NLRP10: variants seen among roughly 807,000 people sequenced by gnomAD.
The protein encoded by NLRP10 is NLR family pyrin domain containing 10, also known as NACHT, LRR and PYD domains-containing protein 10.
Under a neutral mutation model 8.2 loss-of-function variants are expected in NLRP10, and 7 were observed. The ratio of observed to expected loss-of-function variants is 0.85; its 90% CI spans 0.48 to 1.60. NLRP10 has a LOEUF of 1.60. Among genes scored for constraint, NLRP10 ranks in the 40% most tolerant of loss-of-function variants. The pLI is 0.00. For synonymous variants in NLRP10, 338 were observed against 314.0 expected (o/e 1.08, Z -0.81); for missense variants, 814 against 776.3 (o/e 1.05, Z -0.58).
rs35742920 is a variant in NLRP10, at chr11:7,962,387, C to T, written c.289+820G>A. ...TGTAGCTGGGACCACAGGCGCACGC[C>T]ACCATGCCCGGCTAATTTTTTTGTA... On this transcript the variant is annotated intron_variant, in intron 2 of 2. Transcript: ENST00000691676. Among the ~76,000 whole-genome samples the T allele has an allele frequency of 9.5e-3, 1,445 of 152,008 alleles. 12 individuals carry two copies. The highest frequency in any genetic ancestry group is 0.013 in the Non-Finnish European group (872 of 67,952).
chr11:7,957,557 T>C lies in NLRP10; in HGVS notation c.*2087A>G, dbSNP rs1589890508. Among the ~76,000 whole-genome samples, 2 of 152,198 alleles carry C rather than the reference T, an allele frequency of 1.3e-5. No individual in the cohort carries two copies. The highest frequency in any genetic ancestry group is 3.8e-4 in the East Asian group (2 of 5,200). ...TTTTATATATTAAATATGCACAGTT[T>C]ATTGTATTAAACTAATTATACTTCA... On this transcript the variant is annotated 3_prime_UTR_variant, in exon 3 of 3. Coordinates refer to ENST00000691676, the MANE Select transcript of NLRP10 (RefSeq NM_001391958.1).
chr11:7,960,038 C>G lies in NLRP10; in HGVS notation c.1574G>C (p.Ser525Thr), dbSNP rs1008513939. 1.4e-5 allele frequency: 22 copies of G among 1,614,096 alleles called. No individual in the cohort carries two copies. Among genetic ancestry groups the G allele is most frequent in the Non-Finnish European group, 1.9e-5 (22 of 1,180,014 alleles). ...QFLLDISKKD[S>T]FSNLELKFCF... is the part of the protein sequence containing the mutation. The stretch of plus-strand genomic sequence containing the variant: ...GAACTTGAGCTCCAAGTTCGAGAAG[C>G]TGTCTTTTTTCGAGATGTCCAGTAA... The change falls in exon 3 of 3, where the codon AGC (serine) becomes ACC (threonine). Residue 525 changes from serine (S) to threonine (T), a missense_variant. By Grantham distance (58) the Ser-to-Thr change is moderately conservative (BLOSUM62 1). Transcript: ENST00000691676.
chr11:7,961,210 G>A lies in NLRP10; in HGVS notation c.402C>T (p.Ser134=). ...GGAAGGGGCAGGCAAGTGATTCTGG[G>A]CTCTCTGAGCTGGGCTTGGCCACCA... is the stretch of plus-strand genomic sequence containing the variant. ...VLLVAKPSSE[S]PESLACPFPE... Residue 134 remains serine, a synonymous_variant, in exon 3 of 3, where the codon AGC becomes AGT. Transcript: ENST00000691676. 6.2e-7 allele frequency: 1 copy of A among 1,613,772 alleles called. No individual in the cohort carries two copies. Among genetic ancestry groups the A allele is most frequent in the Non-Finnish European group, 8.5e-7 (1 of 1,179,828 alleles).
rs759378060 is a variant in NLRP10 at position 7,963,398 on chromosome 11, C to T, written c.98G>A (p.Arg33Gln). The T allele has an allele frequency of 9.3e-6, 15 of 1,614,068 alleles. No homozygotes were observed. Among genetic ancestry groups the T allele is most frequent in the Non-Finnish European group, 1.2e-5 (14 of 1,180,022 alleles). ...CTGGCCCTCAGACAGGGTCATATCC[C>T]GTAAGTAGAACTTTAACTTCTTGAA... ...NDFKKLKFYL[R>Q]DMTLSEGQPP... The change falls in exon 2 of 3, where the codon CGG (arginine) becomes CAG (glutamine). Residue 33 changes from arginine (R) to glutamine (Q), a missense_variant. Physicochemically the swap from Arg to Gln is conservative, Grantham distance 43. Transcript: ENST00000691676.
Position 7,959,541 on chromosome 11 carries a change from C to G in NLRP10, c.*103G>C, listed in dbSNP as rs1941676628. The G allele has an allele frequency of 6.3e-6, 4 of 630,368 alleles. No homozygotes were observed. Among genetic ancestry groups the G allele is most frequent in the Non-Finnish European group, 8.0e-6 (3 of 373,796 alleles). The allele number at this position is 630,368 out of a possible 1,614,324, so 39.0% of individuals were successfully genotyped here. A position where few individuals can be genotyped will look rare whatever the true frequency, so the allele number is the denominator to read the frequency against. On this transcript the variant is annotated 3_prime_UTR_variant, in exon 3 of 3. Transcript: ENST00000691676. ...CTTAACAATATTGAGTCTTTCTATTCATGAACATGGAAAATCTTCCCATTC... is the reference window on the plus strand; with the variant it reads ...CTTAACAATATTGAGTCTTTCTATTGATGAACATGGAAAATCTTCCCATTC...
At chr11:7,962,845 G>T (rs1220428827) in intron 2 of NLRP10, among the ~76,000 whole-genome samples, 1 of 152,126 alleles carries the variant, frequency 6.6e-6, no homozygotes, top group East Asian at 1.9e-4. Context: ...GCTAGGGACA[G>T]GTCTGACCCC....
At chr11:7,963,568 C>T in intron 1 of NLRP10, 28 bp from the exon 2 acceptor site, 1 of 1,418,954 alleles carries the variant, frequency 7.0e-7, no homozygotes, top group Non-Finnish European at 9.6e-7. Context: ...AGGAGAGGTC[C>T]ACTGCTGAGA....
Position 7,960,883 on chromosome 11 carries a change from C to T in NLRP10, c.729G>A (p.Arg243=), listed in dbSNP as rs1941709708. ...PVTEILRQPE[R]LLFILDGFDE... ...CAAAGCCATCCAGGATGAACAGGAGCCGCTCTGGCTGCCTCAGAATCTCTG... is the reference window on the plus strand; with the variant it reads ...CAAAGCCATCCAGGATGAACAGGAGTCGCTCTGGCTGCCTCAGAATCTCTG... Residue 243 remains arginine, a synonymous_variant, in exon 3 of 3, where the codon CGG becomes CGA. Transcript: ENST00000691676. 1.9e-6 allele frequency: 3 copies of T among 1,614,042 alleles called. No individual in the cohort carries two copies. Among genetic ancestry groups the T allele is most frequent in the Non-Finnish European group, 2.5e-6 (3 of 1,180,038 alleles).
intron 1 of NLRP10, among the ~76,000 whole-genome samples, chr11:7,965,040 A>G (rs1160632648): frequency 6.6e-6 from 1 of 152,266 alleles, no homozygotes; most frequent in African/African-American, 2.4e-5. Context: ...ATGTTAGGAT[A>G]CAGGGGACTT....
At chr11:7,964,333 C>T (rs1448420334) in intron 1 of NLRP10, among the ~76,000 whole-genome samples, 1 of 152,214 alleles carries the variant, frequency 6.6e-6, no homozygotes, top group Non-Finnish European at 1.5e-5. Context: ...AAAATCTACA[C>T]TCAACCCATT....
chr11:7,960,713 A>C lies in NLRP10; in HGVS notation c.899T>G (p.Leu300Arg). The C allele has an allele frequency of 6.2e-7, 1 of 1,614,208 alleles. No individual in the cohort carries two copies. The highest frequency in any genetic ancestry group is 8.5e-7 in the Non-Finnish European group (1 of 1,180,026). The change falls in exon 3 of 3, where the codon CTG (leucine) becomes CGG (arginine). Residue 300 changes from leucine to arginine, a missense_variant. By Grantham distance (102) the Leu-to-Arg change is moderately radical. Coordinates refer to ENST00000691676, the MANE Select transcript of NLRP10 (RefSeq NM_001391958.1). ...ITTRPLALRN[L>R]EPLLKQARHV... ...ACGTGCTTGTTTCAGCAAGGGCTCC[A>C]GATTCCTCAAAGCCAGGGGCCGGGT... is the stretch of plus-strand genomic sequence containing the variant.
At chr11:7,962,231 C>CTTTGTTTTTTTTTTTTTTT (rs1941743863) in intron 2 of NLRP10, among the ~76,000 whole-genome samples, 1 of 66,994 alleles carries the variant, frequency 1.5e-5, no homozygotes, top group Non-Finnish European at 2.6e-5. Context: ...TAAGCCTGTT[C>CTTTGTTTTTTTTTTTTTTT]TTTTTTTTTT....
Position 7,960,088 on chromosome 11 carries a change from A to G in NLRP10, c.1524T>C (p.Asp508=). 1.9e-6 allele frequency: 3 copies of G among 1,614,176 alleles called. No individual in the cohort carries two copies. Among genetic ancestry groups the G allele is most frequent in the Non-Finnish European group, 1.7e-6 (2 of 1,180,040 alleles). The stretch of plus-strand genomic sequence containing the variant: ...AAAACTGCATAGTGAGGGTCATCTC[A>G]TCATTCCCTTCCTGCTCCTTTACCT... ...LLEVKEQEGN[D]EMTLTMQFLL... is the part of the protein sequence containing the mutation. The change falls in exon 3 of 3, where the codon GAT becomes GAC. Residue 508 remains aspartate, a synonymous_variant. Transcript: ENST00000691676.
chr11:7,964,455 C>G (rs79608891), intron 1 of NLRP10, among the ~76,000 whole-genome samples: 1,543 of 152,338 alleles, frequency 0.01, 29 homozygotes, highest in African/African-American at 0.035. Flanking sequence ...GGAACCGCCA[C>G]CTGTGAGTGC....
In NLRP10 at chr11:7,963,201, A is replaced by G. The variant is rs1165375184; in HGVS notation, c.289+6T>C. On this transcript the variant is annotated splice_donor_region_variant and intron_variant, in intron 2 of 2. Coordinates refer to ENST00000691676, the MANE Select transcript of NLRP10 (RefSeq NM_001391958.1). ...CTGCCCTCCCCTTCCCCCGCTCCACACTCACCATGCAGACAAATATGGCTG... is the reference window on the plus strand; with the variant it reads ...CTGCCCTCCCCTTCCCCCGCTCCACGCTCACCATGCAGACAAATATGGCTG... 1 of 1,613,130 alleles carries G rather than the reference A, an allele frequency of 6.2e-7. No individual in the cohort carries two copies. The highest frequency in any genetic ancestry group is 1.1e-5 in the South Asian group (1 of 91,008).
At position 7,957,549 on chromosome 11, in the gene NLRP10, GCA is replaced by G. The variant is rs1300911099; in HGVS notation, c.*2093_*2094del. On this transcript the variant is annotated 3_prime_UTR_variant, in exon 3 of 3. Coordinates refer to ENST00000691676, the MANE Select transcript of NLRP10 (RefSeq NM_001391958.1). ...TCATCAAATTTTATATATTAAATAT[GCA>G]CAGTTTATTGTATTAAACTAATTAT... is the stretch of plus-strand genomic sequence containing the variant. Among the ~76,000 whole-genome samples the G allele has an allele frequency of 1.3e-5, 2 of 152,024 alleles. No individual in the cohort carries two copies. The highest frequency in any genetic ancestry group is 2.4e-5 in the African/African-American group (1 of 41,370).
At chr11:7,961,897 C>T (rs1377653631) in intron 2 of NLRP10, among the ~76,000 whole-genome samples, 1 of 152,134 alleles carries the variant, frequency 6.6e-6, no homozygotes, top group African/African-American at 2.4e-5. Flanking sequence ...TTGTTTTTGT[C>T]ATGGGGGCAA....
Position 7,960,708 on chromosome 11 carries a change from G to T in NLRP10, c.904C>A (p.Pro302Thr), listed in dbSNP as rs1564877932. 6.2e-7 allele frequency: 1 copy of T among 1,614,172 alleles called. No homozygotes were observed. Among genetic ancestry groups the T allele is most frequent in the Non-Finnish European group, 8.5e-7 (1 of 1,180,028 alleles). ...ACATGACGTGCTTGTTTCAGCAAGG[G>T]CTCCAGATTCCTCAAAGCCAGGGGC... Reference protein sequence around the residue: ...TRPLALRNLEPLLKQARHVHI... With the variant: ...TRPLALRNLETLLKQARHVHI... The change falls in exon 3 of 3, where the codon CCC (proline) becomes ACC (threonine). Residue 302 changes from proline (P) to threonine (T), a missense_variant. By Grantham distance (38) the Pro-to-Thr change is conservative (BLOSUM62 -1). Coordinates refer to ENST00000691676, the MANE Select transcript of NLRP10 (RefSeq NM_001391958.1).
intron 1 of NLRP10, among the ~76,000 whole-genome samples, chr11:7,964,747 T>C (rs540585552): frequency 2.3e-4 from 35 of 152,310 alleles, no homozygotes; most frequent in African/African-American, 8.4e-4. Flanking sequence ...AATACTAAAG[T>C]AACGGGAAAG....
Sources: allele counts gnomAD v4.1 joint callset (sites outside exome capture counted in the v4.1 genomes callset), GRCh38; gene constraint gnomAD v4.1.1; transcripts MANE v1.5; gene names NCBI Gene and HGNC (gene_info 2026-07-23, HGNC 2026-07-21).